Variants in PIAS4 observed in about 807,000 individuals in gnomAD.
PIAS4 encodes E3 SUMO-protein ligase PIAS4.
Under a neutral mutation model 58.0 loss-of-function variants are expected in PIAS4, and 7 were observed. The ratio of observed to expected loss-of-function variants is 0.12; its 90% CI spans 0.07 to 0.23. The LOEUF is 0.23. Among genes scored for constraint, PIAS4 ranks in the 10% least tolerant of loss-of-function variants. The pLI is 1.00. For missense variants in PIAS4, 550 were observed against 709.5 expected (o/e 0.78, Z 2.55); for synonymous variants, 364 against 312.4 (o/e 1.17, Z -1.74).
intron 9 of PIAS4, among the ~76,000 whole-genome samples, chr19:4,036,154 ACCG>A (rs1378848019): frequency 1.9e-5 from 1 of 51,578 alleles, no homozygotes; most frequent in African/African-American, 4.9e-5. Context: ...TACAGTCCAC[ACCG>A]TCATACAAAC....
intron 9 of PIAS4, among the ~76,000 whole-genome samples, chr19:4,035,479 C>T (rs1471782390): frequency 6.6e-6 from 1 of 152,134 alleles, no homozygotes; most frequent in African/African-American, 2.4e-5. Flanking sequence ...TCCCGAGCCT[C>T]TGTTTCTGCA....
Position 4,022,822 on chromosome 19 carries a change from G to A in PIAS4, c.455-1214G>A, listed in dbSNP as rs572758439. Among the ~76,000 whole-genome samples, 22 of 149,472 alleles carry A rather than the reference G, an allele frequency of 1.5e-4. No individual in the cohort carries two copies. In the South Asian group the frequency reaches 3.4e-3, roughly 23 times the overall value. Reference sequence around the variant, plus strand: ...CAAGTAGCTGGGATTACAGGCGCCCGAACCAGGCCTGGCTATTTTTTTTTT... The same window carrying A: ...CAAGTAGCTGGGATTACAGGCGCCCAAACCAGGCCTGGCTATTTTTTTTTT... On this transcript the variant is annotated intron_variant, in intron 2 of 10. Transcript: ENST00000262971.
Position 4,013,117 on chromosome 19 carries a change from C to G in PIAS4, c.222C>G (p.Ala74=). Residue 74 remains alanine (A), a synonymous_variant, in exon 2 of 11, where the codon GCC becomes GCG. Coordinates refer to ENST00000262971, the MANE Select transcript of PIAS4 (RefSeq NM_015897.4). The surrounding 1 kb of genome is among the most constrained non-coding windows in gnomAD (Gnocchi z 5.1). The part of the protein sequence containing the change: ...TRYAKKNSEP[A]PQPHRPLDPL... ...ACGCCAAGAAGAACTCGGAGCCTGC[C>G]CCACAGCCGCACCGGCCCCTGGACC... 1 of 1,613,382 alleles carries G rather than the reference C, an allele frequency of 6.2e-7. No individual in the cohort carries two copies.
In PIAS4 at chr19:4,027,482, G is replaced by A. The variant is rs967559463; in HGVS notation, c.540-664G>A. 4.6e-5 allele frequency among the ~76,000 whole-genome samples: 7 copies of A among 152,112 alleles called. No homozygotes were observed. In the East Asian group the frequency reaches 7.7e-4, roughly 17 times the overall value. On this transcript the variant is annotated intron_variant, in intron 3 of 10. Coordinates refer to ENST00000262971, the MANE Select transcript of PIAS4 (RefSeq NM_015897.4). ...GGTCAGTTCTGCTGTGAACATCCAC[G>A]GATGCGTCTTTGGGTAGATAGACTT...
At chr19:4,010,615 C>T (rs961428420) in intron 1 of PIAS4, among the ~76,000 whole-genome samples, 2 of 152,228 alleles carry the variant, frequency 1.3e-5, no homozygotes, top group Non-Finnish European at 2.9e-5. Flanking sequence ...GAGGGTCCCC[C>T]GGGCAGCAGA....
At chr19:4,010,929 A>G (rs1295222746) in intron 1 of PIAS4, among the ~76,000 whole-genome samples, 2 of 152,200 alleles carry the variant, frequency 1.3e-5, no homozygotes, top group Non-Finnish European at 2.9e-5. Flanking sequence ...TTGAGCCTGG[A>G]CAGCCTCTCC....
At chr19:4,021,518 A>G (rs1175705237) in intron 2 of PIAS4, among the ~76,000 whole-genome samples, 2 of 152,032 alleles carry the variant, frequency 1.3e-5, no homozygotes, top group Non-Finnish European at 2.9e-5. Context: ...ACTGGCTGAT[A>G]TTTTGTGGAG....
At chr19:4,021,105 A>G (rs531816959) in intron 2 of PIAS4, among the ~76,000 whole-genome samples, 1 of 152,232 alleles carries the variant, frequency 6.6e-6, no homozygotes, top group African/African-American at 2.4e-5. Context: ...CAGTCCTTTC[A>G]TTTTAGCCAT....
intron 1 of PIAS4, among the ~76,000 whole-genome samples, chr19:4,008,085 C>T (rs570469545): frequency 4.3e-4 from 65 of 152,078 alleles, no homozygotes; most frequent in African/African-American, 1.5e-3. Context: ...AGCGCCAGGC[C>T]AGGGCCGCGC....
At position 4,037,556 on chromosome 19, in the gene PIAS4, T is replaced by G. The variant is rs2144949422; in HGVS notation, c.1273+52T>G. 1 of 1,607,554 alleles carries G rather than the reference T, an allele frequency of 6.2e-7. No individual in the cohort carries two copies. The highest frequency in any genetic ancestry group is 2.2e-5 in the East Asian group (1 of 44,856). On this transcript the variant is annotated intron_variant, in intron 10 of 10. Coordinates refer to ENST00000262971, the MANE Select transcript of PIAS4 (RefSeq NM_015897.4). The surrounding 1 kb of genome is among the most constrained non-coding windows in gnomAD (Gnocchi z 5.8). Reference sequence around the variant, plus strand: ...CAGTCCGCAGCCAGGGCCGCCTCAGTTTCCCCATTTATCAGTGGTTGCATC... The same window carrying G: ...CAGTCCGCAGCCAGGGCCGCCTCAGGTTCCCCATTTATCAGTGGTTGCATC...
chr19:4,033,979 G>A (rs903807023), intron 9 of PIAS4, among the ~76,000 whole-genome samples: 12 of 151,564 alleles, frequency 7.9e-5, no homozygotes, highest in South Asian at 6.2e-4. Flanking sequence ...CAAAGGAGGT[G>A]GCGCCTCCTG....
chr19:4,036,197 A>G (rs2040282492), intron 9 of PIAS4, among the ~76,000 whole-genome samples: 1 of 115,214 alleles, frequency 8.7e-6, no homozygotes, highest in South Asian at 2.9e-4. Flanking sequence ...CCACACCGTC[A>G]CACATCCATA....
intron 2 of PIAS4, among the ~76,000 whole-genome samples, chr19:4,016,505 C>G (rs935429778): frequency 6.6e-6 from 1 of 152,238 alleles, no homozygotes; most frequent in African/African-American, 2.4e-5. Context: ...CAGGCCACAG[C>G]AAGGTAGCGT....
intron 3 of PIAS4, 118 bp from the exon 4 acceptor site, chr19:4,028,028 C>A: frequency 1.0e-6 from 1 of 995,528 alleles, no homozygotes; most frequent in Non-Finnish European, 1.6e-6. Flanking sequence ...CTCAGTTTCC[C>A]AGCTCTGGGG....
intron 9 of PIAS4, among the ~76,000 whole-genome samples, chr19:4,035,340 G>A (rs976679075): frequency 2.6e-5 from 4 of 152,060 alleles, no homozygotes; most frequent in Non-Finnish European, 5.9e-5. Flanking sequence ...CTCCTCAGAC[G>A]CCCCCCAGCC....
intron 9 of PIAS4, among the ~76,000 whole-genome samples, chr19:4,036,860 C>T (rs549025450): frequency 1.3e-5 from 2 of 149,508 alleles, no homozygotes; most frequent in Non-Finnish European, 3.0e-5. Context: ...ACCCGCATGC[C>T]ACACATCCAT....
chr19:4,033,213 C>G, intron 8 of PIAS4, 40 bp downstream of exon 8: 1 of 1,567,918 alleles, frequency 6.4e-7, no homozygotes, highest in Non-Finnish European at 8.7e-7. Flanking sequence ...GCCTCTCCTG[C>G]GGCCGGCCTT....
At chr19:4,030,965 G>A (rs540176352) in intron 7 of PIAS4, among the ~76,000 whole-genome samples, 13 of 152,316 alleles carry the variant, frequency 8.5e-5, no homozygotes, top group Admixed American at 5.9e-4. Context: ...CTGACGAGAG[G>A]GCGGTTCTGG....
At chr19:4,017,542 G>A (rs1223682213) in intron 2 of PIAS4, among the ~76,000 whole-genome samples, 1 of 152,144 alleles carries the variant, frequency 6.6e-6, no homozygotes, top group Non-Finnish European at 1.5e-5. Flanking sequence ...ACCTGGGTTG[G>A]GGAATCAGTG....
Sources: gnomAD v4.1 joint callset for allele counts (sites outside exome capture counted in the v4.1 genomes callset) on GRCh38, gnomAD v4.1.1 for gene constraint, Gnocchi (gnomAD v3.1) non-coding constraint, MANE v1.5 for transcripts, NCBI Gene and HGNC (gene_info 2026-07-23, HGNC 2026-07-21) for gene names.